Variants in CALB2 observed in about 807,000 individuals in gnomAD.
The protein encoded by CALB2 is calretinin.
A neutral mutation model predicts 45.9 loss-of-function variants in CALB2; 34 were observed. That is an observed-to-expected ratio of 0.74 (90% confidence interval 0.56 to 0.99). The LOEUF (loss-of-function observed/expected upper bound fraction) is 0.99. Ranked by LOEUF, CALB2 falls within the 50% of genes least tolerant of loss-of-function variation. The probability of loss-of-function intolerance (pLI) is 0.00; values close to 1 mark genes in which losing one functional copy is unlikely to be tolerated. For synonymous variants in CALB2, 142 were observed against 129.6 expected (o/e 1.10, Z -0.65); for missense variants, 344 against 339.3 (o/e 1.01, Z -0.11).
In CALB2 at chr16:71,366,022, C is replaced by CTTTTTTTTTTTTTTTTTTT. The variant is rs1447467571; in HGVS notation, c.95-6130_95-6129insTTTTTTTTTTTTTTTTTTT. 1.1e-3 allele frequency among the ~76,000 whole-genome samples: 57 copies of CTTTTTTTTTTTTTTTTTTT among 50,534 alleles called. 10 individuals carry two copies. Among genetic ancestry groups the CTTTTTTTTTTTTTTTTTTT allele is most frequent in the East Asian group, 1.9e-3 (5 of 2,646 alleles). The allele number at this position is 50,534 out of a possible 152,430, so 33.2% of individuals were successfully genotyped here. ...TTTCTTTGTTTTCTTCCCTCTCTCTCTCTTTTTTTTTTTTTTTTTTTTGAG... is the reference window on the plus strand; with the variant it reads ...TTTCTTTGTTTTCTTCCCTCTCTCTCTTTTTTTTTTTTTTTTTTTTCTTTTTTTTTTTTTTTTTTTTGAG... On this transcript the variant is annotated intron_variant, in intron 1 of 10. Coordinates refer to ENST00000302628, the MANE Select transcript of CALB2 (RefSeq NM_001740.5).
intron 1 of CALB2, among the ~76,000 whole-genome samples, chr16:71,365,457 C>T (rs2042274126): frequency 6.6e-6 from 1 of 152,174 alleles, no homozygotes; most frequent in South Asian, 2.1e-4. Context: ...TTAGAATTTG[C>T]ATTTCTAAGA....
At chr16:71,367,434 C>T (rs913503726) in intron 1 of CALB2, among the ~76,000 whole-genome samples, 1 of 152,188 alleles carries the variant, frequency 6.6e-6, no homozygotes. Flanking sequence ...GCACCAGCCC[C>T]TCCTCTACCC....
At chr16:71,382,625 C>G (rs2042512647) in intron 4 of CALB2, 94 bp from the exon 5 acceptor site, 1 of 1,195,722 alleles carries the variant, frequency 8.4e-7, no homozygotes, top group Admixed American at 1.9e-5. Flanking sequence ...TCTTGAAGAT[C>G]AAGACCCTGG....
rs150807004 is a variant in CALB2, at chr16:71,362,183, C to G, written c.94+3297C>G. 2.0e-5 allele frequency among the ~76,000 whole-genome samples: 3 copies of G among 152,334 alleles called. No homozygotes were observed. The East Asian group carries it at 5.8e-4, about 29-fold the overall frequency. ...CAGGACCTTTCCCCCTCTAAAGGAT[C>G]CAGGTGGCTGAGGGATGCCCAGTTC... On this transcript the variant is annotated intron_variant, in intron 1 of 10. Transcript: ENST00000302628.
intron 7 of CALB2, 51 bp downstream of exon 7, chr16:71,384,076 C>A: frequency 1.3e-6 from 2 of 1,573,264 alleles, no homozygotes; most frequent in Non-Finnish European, 8.7e-7. Context: ...CAGGTCATTC[C>A]TGTGTTATCC....
At chr16:71,389,100 A>G (rs1024803769) in intron 10 of CALB2, among the ~76,000 whole-genome samples, 1 of 151,880 alleles carries the variant, frequency 6.6e-6, no homozygotes, top group African/African-American at 2.4e-5. Context: ...AGGCAGGAGA[A>G]TCGCTTGAAC....
Position 71,358,748 on chromosome 16 carries a change from C to G in CALB2, c.-45C>G, listed in dbSNP as rs898842960. On this transcript the variant is annotated 5_prime_UTR_variant, in exon 1 of 11. Transcript: ENST00000302628. ...AGCGCGAGTGCCAGAGCCCAGCCGG[C>G]GCGGAGCGGGAGCGGTGCAGGCTGA... 2 of 1,485,614 alleles carry G rather than the reference C, an allele frequency of 1.3e-6. No homozygotes were observed. Among genetic ancestry groups the G allele is most frequent in the Non-Finnish European group, 1.8e-6 (2 of 1,083,884 alleles). 92.0% of individuals were successfully genotyped at this position (1,485,614 alleles called of 1,614,324 possible). A position where few individuals can be genotyped will look rare whatever the true frequency, so the allele number is the denominator to read the frequency against.
intron 1 of CALB2, among the ~76,000 whole-genome samples, chr16:71,366,291 C>T (rs2042286948): frequency 7.0e-6 from 1 of 142,566 alleles, no homozygotes; most frequent in South Asian, 2.2e-4. Context: ...TCCCAAAGTG[C>T]TGGGATTACA....
intron 1 of CALB2, among the ~76,000 whole-genome samples, chr16:71,361,621 C>A (rs1476004961): frequency 6.6e-6 from 1 of 152,182 alleles, no homozygotes; most frequent in Admixed American, 6.5e-5. Flanking sequence ...GCCACCTCCC[C>A]ACCCCTTCTG....
intron 10 of CALB2, among the ~76,000 whole-genome samples, chr16:71,386,712 T>C (rs1309897655): frequency 6.6e-6 from 1 of 152,216 alleles, no homozygotes. Flanking sequence ...ATGAAAGCTC[T>C]ACAATTCCTT....
intron 1 of CALB2, 24 bp from the exon 2 acceptor site, chr16:71,372,129 G>T: frequency 1.9e-6 from 3 of 1,539,944 alleles, no homozygotes; most frequent in South Asian, 2.2e-5. Flanking sequence ...TGCTGAGATT[G>T]ATTTTTTCTC....
At chr16:71,369,809 A>G (rs1188901536) in intron 1 of CALB2, among the ~76,000 whole-genome samples, 1 of 152,136 alleles carries the variant, frequency 6.6e-6, no homozygotes, top group South Asian at 2.1e-4. Flanking sequence ...TTCTCAGTTG[A>G]GAAGAAATTG....
intron 1 of CALB2, among the ~76,000 whole-genome samples, chr16:71,363,611 A>C (rs1433745458): frequency 9.2e-5 from 14 of 152,080 alleles, no homozygotes; most frequent in Non-Finnish European, 2.1e-4. Flanking sequence ...TGGTTTAGGG[A>C]ATGGGGAGGA....
At chr16:71,368,339 G>C (rs942342659) in intron 1 of CALB2, among the ~76,000 whole-genome samples, 1 of 152,038 alleles carries the variant, frequency 6.6e-6, no homozygotes, top group African/African-American at 2.4e-5. Context: ...GCAAAACCCT[G>C]TCTCTACCAA....
intron 9 of CALB2, chr16:71,385,197 G>C: frequency 2.8e-6 from 1 of 353,192 alleles, no homozygotes. Flanking sequence ...GAAGTTAGAT[G>C]ATCTCCATAC....
Position 71,358,890 on chromosome 16 carries a change from A to G in CALB2, c.94+4A>G, listed in dbSNP as rs989341744. The G allele has an allele frequency of 6.2e-7, 1 of 1,612,228 alleles. No homozygotes were observed. The highest frequency in any genetic ancestry group is 1.7e-5 in the Admixed American group (1 of 59,888). On this transcript the variant is annotated splice_donor_region_variant and intron_variant, in intron 1 of 10. Coordinates refer to ENST00000302628, the MANE Select transcript of CALB2 (RefSeq NM_001740.5). Reference sequence around the variant, plus strand: ...TGGAAGCACTTTGACGCAGACGGTCAGTAAAGCTCCCAACTTCTGTGCCCA... The same window carrying G: ...TGGAAGCACTTTGACGCAGACGGTCGGTAAAGCTCCCAACTTCTGTGCCCA...
At chr16:71,383,901 C>T in intron 6 of CALB2, 69 bp from the exon 7 acceptor site, 2 of 1,544,426 alleles carry the variant, frequency 1.3e-6, no homozygotes, top group Non-Finnish European at 1.8e-6. Context: ...CCATCCTCTC[C>T]AGTAAAAGGG....
At chr16:71,375,896 G>A (rs1382791020) in intron 3 of CALB2, among the ~76,000 whole-genome samples, 2 of 152,238 alleles carry the variant, frequency 1.3e-5, no homozygotes, top group African/African-American at 2.4e-5. Context: ...GGGCAAGGAG[G>A]GGACCTGTGG....
At chr16:71,386,106 G>A (rs1369266703) in intron 10 of CALB2, among the ~76,000 whole-genome samples, 2 of 152,188 alleles carry the variant, frequency 1.3e-5, no homozygotes, top group Non-Finnish European at 1.5e-5. Flanking sequence ...TAATCTTTCT[G>A]TGCCTGGCTT....
Sources: gnomAD v4.1 joint callset for allele counts (sites outside exome capture counted in the v4.1 genomes callset) on GRCh38, gnomAD v4.1.1 for gene constraint, MANE v1.5 for transcripts, NCBI Gene and HGNC (gene_info 2026-07-23, HGNC 2026-07-21) for gene names.